Variants in SDCCAG8 observed in about 807,000 individuals in gnomAD.
The protein encoded by SDCCAG8 is serologically defined colon cancer antigen 8.
A neutral mutation model predicts 101.8 loss-of-function variants in SDCCAG8; 74 were observed. That is an observed-to-expected ratio of 0.73 (90% confidence interval 0.60 to 0.88). The LOEUF is 0.88. Among genes scored for constraint, SDCCAG8 ranks in the 40% least tolerant of loss-of-function variants. The pLI is 0.00. For missense variants in SDCCAG8, 787 were observed against 822.6 expected, an observed-to-expected ratio of 0.96 and a Z score of 0.53; for synonymous variants, 281 against 292.9, an observed-to-expected ratio of 0.96 and a Z score of 0.41.
intron 16 of SDCCAG8, among the ~76,000 whole-genome samples, chr1:243,473,937 G>T (rs1226867097): frequency 9.7e-6 from 1 of 102,802 alleles, no homozygotes; most frequent in African/African-American, 3.8e-5. Context: ...GGGGGGGGGG[G>T]GGCCGGGGGA....
At chr1:243,368,523 G>A (rs149261137) in intron 12 of SDCCAG8, among the ~76,000 whole-genome samples, 252 of 152,214 alleles carry the variant, frequency 1.7e-3, no homozygotes, top group African/African-American at 5.9e-3. Context: ...AATGTTTTGA[G>A]TTTATTACCT....
At position 243,297,682 on chromosome 1, in the gene SDCCAG8, A is replaced by G. The variant is rs113857145; in HGVS notation, c.675+4463A>G. 2.9e-3 allele frequency among the ~76,000 whole-genome samples: 435 copies of G among 152,232 alleles called. 2 individuals carry two copies. Among genetic ancestry groups the G allele is most frequent in the African/African-American group, 9.9e-3 (412 of 41,518 alleles). On this transcript the variant is annotated intron_variant, in intron 6 of 17. Transcript: ENST00000366541. The stretch of plus-strand genomic sequence containing the variant: ...GATTTTCATTTGCATTTCCCTAACT[A>G]CTAGTGTGATTGAGTATTGTTTCAT...
At chr1:243,354,701 A>G (rs1430956893) in intron 12 of SDCCAG8, among the ~76,000 whole-genome samples, 2 of 152,216 alleles carry the variant, frequency 1.3e-5, no homozygotes, top group Non-Finnish European at 2.9e-5. Context: ...TTAATAGTTA[A>G]TGCTTTCACT....
intron 16 of SDCCAG8, among the ~76,000 whole-genome samples, chr1:243,430,572 G>A (rs1337745965): frequency 2.0e-5 from 3 of 151,932 alleles, no homozygotes; most frequent in East Asian, 1.9e-4. Flanking sequence ...CCGAGTAGCT[G>A]GGACCACAGG....
intron 13 of SDCCAG8, among the ~76,000 whole-genome samples, chr1:243,387,707 C>G (rs763894773): frequency 1.3e-4 from 20 of 152,070 alleles, no homozygotes; most frequent in Non-Finnish European, 2.4e-4. Context: ...GTAACTAGTA[C>G]AGTTACTTAT....
intron 12 of SDCCAG8, among the ~76,000 whole-genome samples, chr1:243,347,210 C>T (rs1004222788): frequency 6.6e-6 from 1 of 152,066 alleles, no homozygotes; most frequent in African/African-American, 2.4e-5. Context: ...TCTTCTTTTG[C>T]AGAAGTATTT....
chr1:243,431,602 T>C (rs923895281), intron 16 of SDCCAG8, among the ~76,000 whole-genome samples: 7 of 152,226 alleles, frequency 4.6e-5, no homozygotes, highest in Non-Finnish European at 1.0e-4. Flanking sequence ...TTGGAACCCC[T>C]GGTGTCCACA....
rs868001974 is a variant in SDCCAG8 at position 243,464,042 on chromosome 1, A to C, written c.1986-24972A>C. On this transcript the variant is annotated intron_variant, in intron 16 of 17. Coordinates refer to ENST00000366541, the MANE Select transcript of SDCCAG8 (RefSeq NM_006642.5). ...TGCTGTGCTCATGTCCTCTTGACCC[A>C]AAATTGTTAACATGGTTGGATGAAA... Among the ~76,000 whole-genome samples the C allele has an allele frequency of 2.0e-5, 3 of 152,278 alleles. 1 individual carries two copies. The South Asian group carries it at 6.2e-4, about 32-fold the overall frequency.
intron 6 of SDCCAG8, among the ~76,000 whole-genome samples, chr1:243,304,056 G>C (rs2071830173): frequency 1.3e-5 from 2 of 150,104 alleles, no homozygotes; most frequent in South Asian, 4.4e-4. Context: ...CTTGGTGATA[G>C]AGTGAGACTC....
chr1:243,384,615 C>CACACAT (rs74162285), intron 13 of SDCCAG8, among the ~76,000 whole-genome samples: 1 of 151,050 alleles, frequency 6.6e-6, no homozygotes, highest in East Asian at 2.0e-4. Flanking sequence ...CACACACACA[C>CACACAT]TCACTCTTAA....
intron 7 of SDCCAG8, 194 bp from the exon 8 acceptor site, chr1:243,307,795 T>G (rs1234737696): frequency 1.4e-6 from 2 of 1,449,170 alleles, no homozygotes; most frequent in Non-Finnish European, 1.8e-6. Flanking sequence ...AGTCTCATCA[T>G]ATTCAACGTG....
At chr1:243,417,326 C>T (rs556329018) in intron 14 of SDCCAG8, among the ~76,000 whole-genome samples, 3 of 152,274 alleles carry the variant, frequency 2.0e-5, no homozygotes, top group East Asian at 1.9e-4. Flanking sequence ...CTGTTAAAAC[C>T]GCCTTAAGAA....
intron 12 of SDCCAG8, among the ~76,000 whole-genome samples, chr1:243,356,805 T>C (rs2076410933): frequency 6.6e-6 from 1 of 151,592 alleles, no homozygotes; most frequent in African/African-American, 2.4e-5. Context: ...GCCAACATGG[T>C]GTGACCCCAT....
intron 13 of SDCCAG8, among the ~76,000 whole-genome samples, chr1:243,381,473 C>T (rs1177966539): frequency 6.6e-6 from 1 of 151,984 alleles, no homozygotes; most frequent in East Asian, 1.9e-4. Flanking sequence ...CCTATAGACC[C>T]AGCTATTTAG....
At chr1:243,469,087 G>C (rs1008743544) in intron 16 of SDCCAG8, among the ~76,000 whole-genome samples, 2 of 152,154 alleles carry the variant, frequency 1.3e-5, no homozygotes, top group African/African-American at 4.8e-5. Context: ...CTCAGATTTC[G>C]ACCCAGATCT....
intron 13 of SDCCAG8, among the ~76,000 whole-genome samples, chr1:243,414,258 G>A (rs901273837): frequency 6.6e-6 from 1 of 152,132 alleles, no homozygotes; most frequent in Non-Finnish European, 1.5e-5. Flanking sequence ...GGGGGATTGA[G>A]TGGGCAGGTG....
chr1:243,473,940 C>G (rs866637087), intron 16 of SDCCAG8, among the ~76,000 whole-genome samples: 50 of 50,418 alleles, frequency 9.9e-4, no homozygotes, highest in Middle Eastern at 0.02. Context: ...GGGGGGGGGG[C>G]CGGGGGAGTA....
chr1:243,379,238 A>C (rs1028310097), intron 13 of SDCCAG8, among the ~76,000 whole-genome samples: 4 of 152,210 alleles, frequency 2.6e-5, no homozygotes, highest in Admixed American at 2.0e-4. Flanking sequence ...AAATACTGTC[A>C]GTGGTGAGAG....
At chr1:243,272,775 C>A (rs2068201450) in intron 3 of SDCCAG8, among the ~76,000 whole-genome samples, 1 of 152,116 alleles carries the variant, frequency 6.6e-6, no homozygotes, top group Admixed American at 6.5e-5. Context: ...TAATTATAAA[C>A]CATAATAGTA....
Sources: allele counts gnomAD v4.1 joint callset (sites outside exome capture counted in the v4.1 genomes callset), GRCh38; gene constraint gnomAD v4.1.1; transcripts MANE v1.5; gene names NCBI Gene and HGNC (gene_info 2026-07-23, HGNC 2026-07-21).